CLASP2: variants seen among roughly 807,000 people sequenced by gnomAD.
CLASP2 encodes the protein cytoplasmic linker associated protein 2, also known as CLIP-associating protein 2.
A neutral mutation model predicts 194.4 loss-of-function variants in CLASP2; 47 were observed. The ratio of observed to expected loss-of-function variants is 0.24; its 90% CI spans 0.19 to 0.31. The LOEUF (loss-of-function observed/expected upper bound fraction) is 0.31. Ranked by LOEUF, CLASP2 falls within the 10% of genes least tolerant of loss-of-function variation. The probability of loss-of-function intolerance (pLI) is 1.00; values close to 1 mark genes in which losing one functional copy is unlikely to be tolerated. For synonymous variants in CLASP2, 619 were observed against 633.5 expected (o/e 0.98, Z 0.34); for missense variants, 1,445 against 1,823.6 (o/e 0.79, Z 3.78).
chr3:33,559,617 G>A (rs886591508), intron 28 of CLASP2, among the ~76,000 whole-genome samples: 6 of 152,180 alleles, frequency 3.9e-5, no homozygotes, highest in Non-Finnish European at 7.4e-5. Flanking sequence ...TCTACAGGCC[G>A]GGAGCGGTGG....
intron 5 of CLASP2, among the ~76,000 whole-genome samples, chr3:33,685,039 T>C (rs1374747457): frequency 7.0e-6 from 1 of 143,874 alleles, no homozygotes; most frequent in African/African-American, 2.6e-5. Context: ...ATAATAATAA[T>C]AATAATAAAT....
At chr3:33,653,848 T>G (rs2083650784) in intron 7 of CLASP2, among the ~76,000 whole-genome samples, 1 of 151,962 alleles carries the variant, frequency 6.6e-6, no homozygotes, top group Non-Finnish European at 1.5e-5. Flanking sequence ...CATTAAAAAA[T>G]TATAATAATT....
intron 8 of CLASP2, among the ~76,000 whole-genome samples, chr3:33,637,150 CAAGACAATCTTAA>C (rs1288200738): frequency 2.6e-5 from 4 of 152,056 alleles, no homozygotes; most frequent in African/African-American, 9.7e-5. Context: ...ATACAGAACA[CAAGACAATCTTAA>C]AAAACAACTG....
chr3:33,716,004 T>G (rs2093279605), intron 1 of CLASP2, among the ~76,000 whole-genome samples: 1 of 151,016 alleles, frequency 6.6e-6, no homozygotes, highest in East Asian at 1.9e-4. Flanking sequence ...ACTAGTGATT[T>G]AGGAAAGAGA....
intron 11 of CLASP2, among the ~76,000 whole-genome samples, chr3:33,621,238 C>T (rs1251479809): frequency 6.6e-6 from 1 of 152,092 alleles, no homozygotes. Context: ...CCACTCCTAC[C>T]CTGTCTGCTG....
chr3:33,681,145 TA>T (rs2089780010), intron 6 of CLASP2, among the ~76,000 whole-genome samples: 1 of 143,376 alleles, frequency 7.0e-6, no homozygotes, highest in Admixed American at 6.9e-5. Flanking sequence ...AAAAAAAGAA[TA>T]AAGTAATTTC....
intron 7 of CLASP2, among the ~76,000 whole-genome samples, chr3:33,656,835 A>C (rs1405114116): frequency 6.6e-6 from 1 of 152,182 alleles, no homozygotes; most frequent in Non-Finnish European, 1.5e-5. Flanking sequence ...AAAAAGCTCC[A>C]TCCCATACTG....
At chr3:33,659,313 A>C in intron 7 of CLASP2, 5 of 1,151,646 alleles carry the variant, frequency 4.3e-6, no homozygotes, top group Non-Finnish European at 5.3e-6. Context: ...AATTTAATCT[A>C]AGAAAAGCTC....
At chr3:33,579,012 T>C (rs2065468639) in intron 23 of CLASP2, among the ~76,000 whole-genome samples, 1 of 152,106 alleles carries the variant, frequency 6.6e-6, no homozygotes, top group African/African-American at 2.4e-5. Flanking sequence ...GACCAAAGAA[T>C]GTAGGCAAAT....
chr3:33,678,461 A>G (rs1241804438), intron 6 of CLASP2, among the ~76,000 whole-genome samples: 2 of 152,208 alleles, frequency 1.3e-5, no homozygotes, highest in South Asian at 2.1e-4. Context: ...AAGTGAAGTG[A>G]AATATTTAAA....
intron 1 of CLASP2, among the ~76,000 whole-genome samples, chr3:33,717,270 T>G (rs2125480813): frequency 6.6e-6 from 1 of 152,248 alleles, no homozygotes; most frequent in East Asian, 1.9e-4. Context: ...TGATCAACAT[T>G]GTGTCCTAGT....
In CLASP2 at chr3:33,498,528, A is replaced by C. The variant is rs2046082701; in HGVS notation, c.*103T>G. On this transcript the variant is annotated 3_prime_UTR_variant, in exon 39 of 39. Transcript: ENST00000682230. ...AAACAAAAAACTAAAACTGGGAAAC[A>C]ATAGTAAGTTCCAAAGGATGTGTTT... 1 of 708,830 alleles carries C rather than the reference A, an allele frequency of 1.4e-6. No homozygotes were observed. The highest frequency in any genetic ancestry group is 2.4e-6 in the Non-Finnish European group (1 of 416,208). The allele number at this position is 708,830 out of a possible 1,614,324, so 43.9% of individuals were successfully genotyped here.
At chr3:33,596,845 G>T (rs1190065097) in intron 18 of CLASP2, 111 bp from the exon 19 acceptor site, 2 of 809,672 alleles carry the variant, frequency 2.5e-6, no homozygotes, top group Non-Finnish European at 3.9e-6. Context: ...TCATAGTACA[G>T]ACGTATATAT....
intron 8 of CLASP2, among the ~76,000 whole-genome samples, chr3:33,642,052 T>C (rs2081404085): frequency 1.3e-5 from 2 of 151,986 alleles, no homozygotes; most frequent in Non-Finnish European, 2.9e-5. Context: ...TAATTCATTT[T>C]CCCTGCATAT....
At chr3:33,526,354 C>T (rs770269299) in intron 34 of CLASP2, among the ~76,000 whole-genome samples, 6 of 151,974 alleles carry the variant, frequency 3.9e-5, no homozygotes, top group Non-Finnish European at 5.9e-5. Flanking sequence ...GAAGAGATTT[C>T]GAACCAACAA....
Position 33,496,412 on chromosome 3 carries a change from C to G in CLASP2, c.*2219G>C, listed in dbSNP as rs926808872. 1 of 152,054 alleles carries G rather than the reference C, an allele frequency of 6.6e-6. No individual in the cohort carries two copies. The highest frequency in any genetic ancestry group is 1.5e-5 in the Non-Finnish European group (1 of 67,996). The allele number at this position is 152,054 out of a possible 1,614,324, so 9.4% of individuals were successfully genotyped here. ...CATCTCAGTATGTTTCTGGAATGAACAAATTAAGGGTGTATTGTATATAGT... is the reference window on the plus strand; with the variant it reads ...CATCTCAGTATGTTTCTGGAATGAAGAAATTAAGGGTGTATTGTATATAGT... On this transcript the variant is annotated 3_prime_UTR_variant, in exon 39 of 39. Transcript: ENST00000682230.
At chr3:33,589,450 T>TG (rs2068182847) in intron 21 of CLASP2, among the ~76,000 whole-genome samples, 1 of 152,118 alleles carries the variant, frequency 6.6e-6, no homozygotes, top group African/African-American at 2.4e-5. Flanking sequence ...GTAAGGATGA[T>TG]GATCACAGTA....
At chr3:33,697,879 T>C (rs1410425564) in intron 1 of CLASP2, among the ~76,000 whole-genome samples, 1 of 152,218 alleles carries the variant, frequency 6.6e-6, no homozygotes, top group Non-Finnish European at 1.5e-5. Context: ...AAACCCATGA[T>C]GTAAGTGGGT....
chr3:33,641,612 A>G (rs571204329), intron 8 of CLASP2, among the ~76,000 whole-genome samples: 1 of 152,070 alleles, frequency 6.6e-6, no homozygotes, highest in Non-Finnish European at 1.5e-5. Context: ...CACAAGACTT[A>G]TGAGCTTTAA....
Sources: gnomAD v4.1 joint callset for allele counts (sites outside exome capture counted in the v4.1 genomes callset) on GRCh38, gnomAD v4.1.1 for gene constraint, MANE v1.5 for transcripts, NCBI Gene and HGNC (gene_info 2026-07-23, HGNC 2026-07-21) for gene names.